LARGE1: variants seen among roughly 807,000 people sequenced by gnomAD.
LARGE1 encodes xylosyl- and glucuronyltransferase LARGE1.
LARGE1 carries 43 observed loss-of-function variants against 87.6 expected under a neutral mutation model. That is an observed-to-expected ratio of 0.49 (90% CI 0.38 to 0.63). The LOEUF (loss-of-function observed/expected upper bound fraction) is 0.63. Ranked by LOEUF, LARGE1 falls within the 30% of genes least tolerant of loss-of-function variation. The probability of loss-of-function intolerance (pLI) is 0.00; values close to 1 mark genes in which losing one functional copy is unlikely to be tolerated. For missense variants in LARGE1, 802 were observed against 1,000.2 expected (o/e 0.80, Z 2.67); for synonymous variants, 434 against 394.6 (o/e 1.10, Z -1.18).
At chr22:33,880,900 G>A (rs1026962903) in intron 1 of LARGE1, among the ~76,000 whole-genome samples, 11 of 152,160 alleles carry the variant, frequency 7.2e-5, no homozygotes, top group African/African-American at 1.9e-4. Context: ...TATTTTATAC[G>A]TGAATGTACT....
chr22:33,136,990 A>G, the LARGE1 span: 5 of 152,190 alleles, frequency 3.3e-5, no homozygotes, highest in African/African-American at 1.2e-4. Context: ...GTGAAGTTCC[A>G]TAGCCATGAA....
intron 1 of LARGE1, among the ~76,000 whole-genome samples, chr22:33,885,420 C>G (rs2064816983): frequency 6.6e-6 from 1 of 152,124 alleles, no homozygotes; most frequent in Non-Finnish European, 1.5e-5. Context: ...AGTCCCGAGC[C>G]CCAAGTTCAC....
At chr22:33,832,794 G>C (rs934553657) in intron 1 of LARGE1, among the ~76,000 whole-genome samples, 3 of 152,216 alleles carry the variant, frequency 2.0e-5, no homozygotes, top group Non-Finnish European at 2.9e-5. Context: ...GTGTGGTCTG[G>C]CACATGCAGT....
intron 12 of LARGE1, among the ~76,000 whole-genome samples, chr22:33,302,415 C>T (rs1280145083): frequency 6.6e-6 from 1 of 152,088 alleles, no homozygotes; most frequent in Non-Finnish European, 1.5e-5. Context: ...GGTAGGGACT[C>T]CTCCCGCCCC....
upstream of LARGE1, among the ~76,000 whole-genome samples, chr22:33,921,085 C>T (rs1475916117): frequency 4.7e-5 from 7 of 148,290 alleles, no homozygotes; most frequent in Non-Finnish European, 3.0e-5. This position sits in a 1 kb window ranked among gnomAD's most constrained non-coding sequence, Gnocchi z 4.1. Flanking sequence ...GCGGGGCCGG[C>T]GCCCGCGTCG....
intron 1 of LARGE1, among the ~76,000 whole-genome samples, chr22:33,836,907 C>A (rs963788057): frequency 6.6e-6 from 1 of 152,046 alleles, no homozygotes; most frequent in Non-Finnish European, 1.5e-5. Context: ...CTCAATAAGC[C>A]AGTTCAGATA....
chr22:33,814,072 T>C (rs929206870), intron 1 of LARGE1, among the ~76,000 whole-genome samples: 1 of 151,918 alleles, frequency 6.6e-6, no homozygotes, highest in South Asian at 2.1e-4. Flanking sequence ...AGGCCAAGAG[T>C]GTAAATCATA....
intron 6 of LARGE1, among the ~76,000 whole-genome samples, chr22:33,520,111 C>A (rs1356835999): frequency 6.7e-6 from 1 of 149,652 alleles, no homozygotes; most frequent in Non-Finnish European, 1.5e-5. Flanking sequence ...CTCAAGCAAT[C>A]CTCCCTCTTC....
chr22:33,900,498 G>C (rs1296988150), intron 1 of LARGE1, among the ~76,000 whole-genome samples: 1 of 152,170 alleles, frequency 6.6e-6, no homozygotes, highest in Non-Finnish European at 1.5e-5. Context: ...TTTCTAGATT[G>C]CTTTCTCATT....
chr22:33,415,096 T>C (rs1009638553), intron 7 of LARGE1, among the ~76,000 whole-genome samples: 1 of 152,156 alleles, frequency 6.6e-6, no homozygotes, highest in Non-Finnish European at 1.5e-5. Context: ...CAGGTCAGGA[T>C]GCATGAGCAA....
chr22:33,185,495 G>A (rs1315170446), intron 11 of LARGE1, among the ~76,000 whole-genome samples: 2 of 152,122 alleles, frequency 1.3e-5, no homozygotes, highest in Admixed American at 6.6e-5. Context: ...TCATTATAAA[G>A]TCATAGAAAC....
At chr22:33,756,947 G>C (rs936459930) in intron 2 of LARGE1, among the ~76,000 whole-genome samples, 1 of 152,178 alleles carries the variant, frequency 6.6e-6, no homozygotes, top group African/African-American at 2.4e-5. Context: ...TTACTCCCAA[G>C]TTTAGGGCCT....
At chr22:33,498,252 C>T (rs2070246579) in intron 6 of LARGE1, among the ~76,000 whole-genome samples, 1 of 152,048 alleles carries the variant, frequency 6.6e-6, no homozygotes, top group Non-Finnish European at 1.5e-5. Context: ...CCCTGGCCCC[C>T]ACGGTGGAGG....
At chr22:33,895,598 T>C (rs1482558170) in intron 1 of LARGE1, among the ~76,000 whole-genome samples, 1 of 152,184 alleles carries the variant, frequency 6.6e-6, no homozygotes, top group African/African-American at 2.4e-5. Flanking sequence ...GGTCCTTGCC[T>C]TCTTGCTGGC....
At chr22:33,342,020 T>C (rs766658362) in intron 9 of LARGE1, among the ~76,000 whole-genome samples, 11 of 152,320 alleles carry the variant, frequency 7.2e-5, no homozygotes, top group South Asian at 2.1e-4. Flanking sequence ...GAGGCTTACA[T>C]TTCAGGGACG....
chr22:33,432,814 T>G lies in LARGE1; in HGVS notation c.788-549A>C, dbSNP rs545364525. 3.9e-5 allele frequency among the ~76,000 whole-genome samples: 6 copies of G among 152,328 alleles called. No homozygotes were observed. In the East Asian group the frequency reaches 1.2e-3, roughly 29 times the overall value. ...AGAGAAGAGCCACTCTTTGTCCACCTTCTTACAGGGTTTTTGTTCTCACCC... is the reference window on the plus strand; with the variant it reads ...AGAGAAGAGCCACTCTTTGTCCACCGTCTTACAGGGTTTTTGTTCTCACCC... On this transcript the variant is annotated intron_variant, in intron 6 of 14. Coordinates refer to ENST00000397394, the MANE Select transcript of LARGE1 (RefSeq NM_133642.5).
At chr22:33,127,631 G>A in the LARGE1 span, among the ~76,000 whole-genome samples, 1 of 152,088 alleles carries the variant, frequency 6.6e-6, no homozygotes, top group Non-Finnish European at 1.5e-5. Context: ...CAAACTTAAA[G>A]TACAACATTC....
the LARGE1 span, among the ~76,000 whole-genome samples, chr22:33,112,678 G>A: frequency 6.6e-6 from 1 of 152,320 alleles, no homozygotes; most frequent in South Asian, 2.1e-4. Context: ...AGGTCAATGT[G>A]CTCTCTTGGT....
the LARGE1 span, among the ~76,000 whole-genome samples, chr22:33,091,963 A>G: frequency 2.6e-5 from 4 of 152,222 alleles, no homozygotes; most frequent in African/African-American, 9.6e-5. Context: ...GCAGTGGCGC[A>G]GTCTTGGCTC....
Sources: gnomAD v4.1 joint callset for allele counts (sites outside exome capture counted in the v4.1 genomes callset) on GRCh38, gnomAD v4.1.1 for gene constraint, Gnocchi (gnomAD v3.1) non-coding constraint, MANE v1.5 for transcripts, NCBI Gene and HGNC (gene_info 2026-07-23, HGNC 2026-07-21) for gene names.